GSR: variants seen among roughly 807,000 people sequenced by gnomAD.
GSR encodes glutathione reductase, mitochondrial.
GSR carries 48 observed loss-of-function variants against 56.5 expected under a neutral mutation model. The ratio of observed to expected loss-of-function variants is 0.85; its 90% CI spans 0.67 to 1.08. The LOEUF (loss-of-function observed/expected upper bound fraction) is 1.08, where lower values mean the gene tolerates loss of function less well. Among genes scored for constraint, GSR ranks in the 50% least tolerant of loss-of-function variants. The pLI is 0.00. For synonymous variants in GSR, 264 were observed against 270.8 expected (o/e 0.97, Z 0.25); for missense variants, 694 against 703.3 (o/e 0.99, Z 0.15).
intron 6 of GSR, 49 bp downstream of exon 6, chr8:30,700,032 G>A (rs772706172): frequency 7.4e-7 from 1 of 1,353,424 alleles, no homozygotes; most frequent in Non-Finnish European, 1.1e-6. Flanking sequence ...AAGTTACCAG[G>A]AGACAGTAAG....
In GSR at chr8:30,722,454, G is replaced by A. The variant is rs149292472; in HGVS notation, c.306+5076C>T. 3.5e-3 allele frequency among the ~76,000 whole-genome samples: 531 copies of A among 152,256 alleles called. 6 individuals are homozygous for A. In the East Asian group the frequency reaches 0.051, roughly 15 times the overall value. ...AATAATGCATGTTCAGGCTGGGCAC[G>A]GTGGCTCATGCCTGTAATCCCAGCA... On this transcript the variant is annotated intron_variant, in intron 1 of 12. Transcript: ENST00000221130.
At chr8:30,707,523 G>C (rs1384042252) in intron 4 of GSR, among the ~76,000 whole-genome samples, 4 of 152,152 alleles carry the variant, frequency 2.6e-5, no homozygotes, top group African/African-American at 9.7e-5. Context: ...AGCCAGGTGT[G>C]GTGGTGCATG....
Position 30,691,289 on chromosome 8 carries a change from A to T in GSR, c.882+1680T>A, listed in dbSNP as rs888402390. Among the ~76,000 whole-genome samples, 3 of 152,198 alleles carry T rather than the reference A, an allele frequency of 2.0e-5. No homozygotes were observed. The South Asian group carries it at 6.2e-4, about 32-fold the overall frequency. ...AGAATCACTTGAACCTGGGAGGTGGAGGTTGCAGTGAGCTGTGACTGTGCC... is the reference window on the plus strand; with the variant it reads ...AGAATCACTTGAACCTGGGAGGTGGTGGTTGCAGTGAGCTGTGACTGTGCC... On this transcript the variant is annotated intron_variant, in intron 8 of 12. Transcript: ENST00000221130.
chr8:30,709,693 A>C (rs1804039777), intron 3 of GSR, 121 bp downstream of exon 3: 2 of 713,548 alleles, frequency 2.8e-6, no homozygotes, highest in African/African-American at 3.5e-5. Flanking sequence ...GCTAAACTGT[A>C]AATCTCGTAT....
In GSR at chr8:30,682,076, T is replaced by C; in HGVS notation, c.1154-15A>G. 2.5e-6 allele frequency: 4 copies of C among 1,609,362 alleles called. No individual in the cohort carries two copies. Among genetic ancestry groups the C allele is most frequent in the Non-Finnish European group, 3.4e-6 (4 of 1,175,720 alleles). On this transcript the variant is annotated splice_polypyrimidine_tract_variant and intron_variant, in intron 10 of 12. Coordinates refer to ENST00000221130, the MANE Select transcript of GSR (RefSeq NM_000637.5). ...AGCTATTGCAACTATGGAGATATTT[T>C]AAAATCAGTGTTTATCTTACTGTCT...
At chr8:30,726,632 GC>G (rs1381101671) in intron 1 of GSR, among the ~76,000 whole-genome samples, 12 of 151,998 alleles carry the variant, frequency 7.9e-5, no homozygotes, top group East Asian at 5.8e-4. Context: ...GTGGTGATTA[GC>G]CCCCTGTAGT....
intron 12 of GSR, among the ~76,000 whole-genome samples, chr8:30,680,393 T>G (rs1437702126): frequency 5.5e-5 from 8 of 145,764 alleles, no homozygotes; most frequent in Admixed American, 2.1e-4. Flanking sequence ...TTTTTTTTTT[T>G]TTTTTTTTTT....
chr8:30,684,214 A>C lies in GSR; in HGVS notation c.1042-15T>G. 7.0e-7 allele frequency: 1 copy of C among 1,434,926 alleles called. No individual in the cohort carries two copies. Among genetic ancestry groups the C allele is most frequent in the South Asian group, 1.1e-5 (1 of 87,626 alleles). 88.9% of individuals were successfully genotyped at this position (1,434,926 alleles called of 1,614,324 possible). ...GTTTGAATCCCCTAAAATTACAAAG[A>C]GATATCATGTAACCACTTGGCCCAC... On this transcript the variant is annotated splice_polypyrimidine_tract_variant and intron_variant, in intron 9 of 12. Coordinates refer to ENST00000221130, the MANE Select transcript of GSR (RefSeq NM_000637.5).
intron 8 of GSR, among the ~76,000 whole-genome samples, chr8:30,692,244 G>A (rs1168495632): frequency 1.0e-5 from 1 of 98,672 alleles, no homozygotes; most frequent in Non-Finnish European, 1.8e-5. Context: ...CGCTCTTGTT[G>A]CCCAGGCTGG....
At chr8:30,712,479 G>A (rs932548110) in intron 1 of GSR, among the ~76,000 whole-genome samples, 1 of 152,094 alleles carries the variant, frequency 6.6e-6, no homozygotes, top group Non-Finnish European at 1.5e-5. Context: ...CCATGAATTC[G>A]AGACCAGCCT....
chr8:30,704,382 T>C (rs1803855664), intron 4 of GSR, among the ~76,000 whole-genome samples: 1 of 152,110 alleles, frequency 6.6e-6, no homozygotes, highest in Non-Finnish European at 1.5e-5. Context: ...AACAGGATAA[T>C]GGTGAAATGA....
rs113787739 is a variant in GSR, at chr8:30,709,865, T to C, written c.371A>G (p.His124Arg). 1 of 1,588,722 alleles carries C rather than the reference T, an allele frequency of 6.3e-7. No homozygotes were observed. Among genetic ancestry groups the C allele is most frequent in the South Asian group, 1.1e-5 (1 of 90,602 alleles). The change falls in exon 3 of 13, where the codon CAT becomes CGT. Residue 124 changes from histidine (H) to arginine (R), a missense_variant. By Grantham distance (29) the His-to-Arg change is conservative. Coordinates refer to ENST00000221130, the MANE Select transcript of GSR (RefSeq NM_000637.5). ...WNTAVHSEFM[H>R]DHADYGFPSC... ...TGGAAAGCCATAATCAGCATGATCA[T>C]GCATGAATTCAGAGTGGACAGCTGT...
chr8:30,709,997 A>G, intron 2 of GSR, 95 bp from the exon 3 acceptor site: 1 of 730,756 alleles, frequency 1.4e-6, no homozygotes, highest in Non-Finnish European at 2.3e-6. Context: ...AGGTAACAGC[A>G]GATAAAAATA....
At chr8:30,720,237 C>G (rs748917517) in intron 1 of GSR, among the ~76,000 whole-genome samples, 1 of 152,106 alleles carries the variant, frequency 6.6e-6, no homozygotes, top group Admixed American at 6.6e-5. Context: ...AACTTCCTTC[C>G]TCTGGTTCCC....
chr8:30,714,996 C>G (rs535125999), intron 1 of GSR, among the ~76,000 whole-genome samples: 6 of 151,796 alleles, frequency 4.0e-5, no homozygotes, highest in Non-Finnish European at 7.4e-5. Flanking sequence ...AATTTATGGG[C>G]TGGGTGTGGT....
chr8:30,696,460 C>T lies in GSR; in HGVS notation c.715G>A (p.Ala239Thr), dbSNP rs1454343893. Residue 239 changes from alanine (A) to threonine (T), a missense_variant, in exon 7 of 13, where the codon GCA becomes ACA. Coordinates refer to ENST00000221130, the MANE Select transcript of GSR (RefSeq NM_000637.5). Reference sequence around the variant, plus strand: ...GCCATCTCCACAGCAATGTAACCTGCACCAACAATGACGCTGCGGCTGAGA... The same window carrying T: ...GCCATCTCCACAGCAATGTAACCTGTACCAACAATGACGCTGCGGCTGAGA... ...ELPGRSVIVG[A>T]GYIAVEMAGI... 3 of 1,612,404 alleles carry T rather than the reference C, an allele frequency of 1.9e-6. No homozygotes were observed. Among genetic ancestry groups the T allele is most frequent in the African/African-American group, 1.3e-5 (1 of 75,026 alleles).
intron 7 of GSR, among the ~76,000 whole-genome samples, chr8:30,693,771 C>T (rs1029740577): frequency 3.3e-5 from 5 of 152,140 alleles, no homozygotes; most frequent in South Asian, 2.1e-4. Context: ...TCAGGTGATC[C>T]GCCCACCTAG....
Position 30,689,107 on chromosome 8 carries a change from C to T in GSR, c.1041+54G>A, listed in dbSNP as rs1228449610. 2.6e-6 allele frequency: 4 copies of T among 1,553,276 alleles called. No individual in the cohort carries two copies. The East Asian group carries it at 9.0e-5, about 35-fold the overall frequency. Reference sequence around the variant, plus strand: ...TTGGGTGTCTGGGGGGAAAATAAAACCATAAGACTCCTAGTAGATTCACAA... The same window carrying T: ...TTGGGTGTCTGGGGGGAAAATAAAATCATAAGACTCCTAGTAGATTCACAA... On this transcript the variant is annotated intron_variant, in intron 9 of 12. Transcript: ENST00000221130.
chr8:30,715,961 C>A lies in GSR; in HGVS notation c.307-3873G>T, dbSNP rs1209229353. ...TTTTGGAATATGTTTCTTCTAAGCGCCAAGGTGGGCTTTCACTGGTGCCTG... is the reference window on the plus strand; with the variant it reads ...TTTTGGAATATGTTTCTTCTAAGCGACAAGGTGGGCTTTCACTGGTGCCTG... On this transcript the variant is annotated intron_variant, in intron 1 of 12. Coordinates refer to ENST00000221130, the MANE Select transcript of GSR (RefSeq NM_000637.5). Among the ~76,000 whole-genome samples, 5 of 152,174 alleles carry A rather than the reference C, an allele frequency of 3.3e-5. No homozygotes were observed. In the East Asian group the frequency reaches 9.7e-4, roughly 29 times the overall value.
Sources: allele counts gnomAD v4.1 joint callset (sites outside exome capture counted in the v4.1 genomes callset), GRCh38; gene constraint gnomAD v4.1.1; transcripts MANE v1.5; gene names NCBI Gene and HGNC (gene_info 2026-07-23, HGNC 2026-07-21).